NUP62: variants seen among roughly 807,000 people sequenced by gnomAD.
NUP62 encodes the protein nuclear pore glycoprotein p62.
For missense variants in NUP62, 647 were observed against 689.4 expected (o/e 0.94, Z 0.69); for synonymous variants, 305 against 303.4 (o/e 1.01, Z -0.05).
chr19:49,914,912 G>A (rs2075586062), intron 2 of NUP62, among the ~76,000 whole-genome samples: 1 of 151,416 alleles, frequency 6.6e-6, no homozygotes, highest in East Asian at 1.9e-4. Context: ...GCTAATTTTT[G>A]TATTTTTAGT....
chr19:49,908,685 G>A lies in NUP62; in HGVS notation c.1123C>T (p.Leu375=), dbSNP rs758216173. ...TTCACCTTCTCCACCTCGCGGTGCA[G>A]GCTGGTGATCTTTTCTCCATTCTCG... ...LIENGEKITS[L]HREVEKVKLD... The change falls in exon 3 of 3, where the codon CTG becomes TTG. Residue 375 remains leucine (L), a synonymous_variant. Transcript: ENST00000352066. 3 of 1,612,148 alleles carry A rather than the reference G, an allele frequency of 1.9e-6. No homozygotes were observed. The South Asian group carries it at 3.3e-5, about 18-fold the overall frequency.
At chr19:49,913,770 G>A (rs750829182) in intron 2 of NUP62, among the ~76,000 whole-genome samples, 25 of 152,198 alleles carry the variant, frequency 1.6e-4, no homozygotes, top group Admixed American at 3.9e-4. Context: ...TCACTGAGCC[G>A]CAGGGTGGTC....
chr19:49,914,726 G>GTTTTGT (rs2075575701), intron 2 of NUP62, among the ~76,000 whole-genome samples: 5 of 56,404 alleles, frequency 8.9e-5, no homozygotes, highest in Non-Finnish European at 6.4e-5. Flanking sequence ...CCAAGTCCCA[G>GTTTTGT]TTTTTTTTTT....
In NUP62 at chr19:49,909,876, G is replaced by A; in HGVS notation, c.-69C>T. On this transcript the variant is annotated 5_prime_UTR_variant, in exon 3 of 3. Coordinates refer to ENST00000352066, the MANE Select transcript of NUP62 (RefSeq NM_016553.5). The stretch of plus-strand genomic sequence containing the variant: ...AAATCCGTCGGTGTCTGCAGCCTTG[G>A]GAAGATTTCTAAAGCAGAGGAAGTG... The A allele has an allele frequency of 2.0e-6, 3 of 1,534,182 alleles. No homozygotes were observed. The highest frequency in any genetic ancestry group is 2.7e-6 in the Non-Finnish European group (3 of 1,113,814).
rs369727155 is a variant in NUP62, at chr19:49,908,608, C to T, written c.1200G>A (p.Gln400=). Residue 400 remains glutamine (Q), a synonymous_variant, in exon 3 of 3, where the codon CAG becomes CAA. Transcript: ENST00000352066. ...GGCTCAGCAGGTCTTCCAGCTCCTT[C>T]TGCTGGGACAGGATGAAGTCGAGCT... is the stretch of plus-strand genomic sequence containing the variant. ...DQELDFILSQ[Q]KELEDLLSPL... 1.2e-6 allele frequency: 2 copies of T among 1,613,974 alleles called. No homozygotes were observed. Among genetic ancestry groups the T allele is most frequent in the Non-Finnish European group, 1.7e-6 (2 of 1,180,042 alleles).
intron 2 of NUP62, among the ~76,000 whole-genome samples, chr19:49,912,743 G>GT (rs1323595798): frequency 4.1e-5 from 6 of 147,126 alleles, no homozygotes; most frequent in Non-Finnish European, 8.9e-5. Flanking sequence ...GCAGGCGCCT[G>GT]TAGTCGCAGC....
intron 2 of NUP62, among the ~76,000 whole-genome samples, chr19:49,919,061 G>A (rs964982761): frequency 5.3e-5 from 8 of 152,184 alleles, no homozygotes; most frequent in Non-Finnish European, 1.0e-4. Context: ...GCTGAGGCAG[G>A]AGAATTGCTT....
In NUP62 at chr19:49,921,867, G is replaced by A. The variant is rs1053251727; in HGVS notation, c.-78+5827C>T. ...AGGAACCACATATCCTGGGCCAGAC[G>A]AATGCAGGAGCTGCCTCCTCTGGAC... is the stretch of plus-strand genomic sequence containing the variant. On this transcript the variant is annotated intron_variant, in intron 2 of 2. Coordinates refer to ENST00000352066, the MANE Select transcript of NUP62 (RefSeq NM_016553.5). This position sits in a 1 kb window ranked among gnomAD's most constrained non-coding sequence, Gnocchi z 5.4. 2.0e-4 allele frequency among the ~76,000 whole-genome samples: 30 copies of A among 152,196 alleles called. No individual in the cohort carries two copies. Among genetic ancestry groups the A allele is most frequent in the African/African-American group, 6.8e-4 (28 of 41,442 alleles).
At position 49,909,354 on chromosome 19, in the gene NUP62, C is replaced by T. The variant is rs757059101; in HGVS notation, c.454G>A (p.Ala152Thr). The T allele has an allele frequency of 6.2e-7, 1 of 1,613,752 alleles. No homozygotes were observed. The highest frequency in any genetic ancestry group is 8.5e-7 in the Non-Finnish European group (1 of 1,179,974). ...FGPSTTSVAP[A>T]TTSGGFSFTG... ...AATGAGAAGCCTCCAGATGTGGTAG[C>T]TGGAGCCACAGAGGTGGTGGAGGGG... Residue 152 changes from alanine (A) to threonine (T), a missense_variant, in exon 3 of 3, where the codon GCT becomes ACT. Transcript: ENST00000352066.
intron 1 of NUP62, chr19:49,928,864 G>A (rs1316613190): frequency 6.6e-6 from 1 of 152,254 alleles, no homozygotes; most frequent in Non-Finnish European, 1.5e-5. Flanking sequence ...AGAGAATGAG[G>A]CTGGATCCTC....
In NUP62 at chr19:49,908,571, A is replaced by G. The variant is rs879939773; in HGVS notation, c.1237T>C (p.Leu413=). ...ATGGTCCCGCTCTGCTCCTTGACCA[A>G]CTCCTCCAGTGGGCTCAGCAGGTCT... ...LEDLLSPLEE[L]VKEQSGTIYL... is the part of the protein sequence containing the mutation. Residue 413 remains leucine, a synonymous_variant, in exon 3 of 3, where the codon TTG becomes CTG. Transcript: ENST00000352066. 6.2e-7 allele frequency: 1 copy of G among 1,613,406 alleles called. No homozygotes were observed.
intron 2 of NUP62, among the ~76,000 whole-genome samples, chr19:49,914,686 CTTACCTCCATCTGTGA>C (rs371177655): frequency 5.9e-4 from 88 of 149,526 alleles, no homozygotes; most frequent in African/African-American, 2.1e-3. Flanking sequence ...GCTCTACTAC[CTTACCTCCATCTGTGA>C]TTCTTGTGCC....
At chr19:49,911,539 T>C (rs1600509404) in intron 2 of NUP62, among the ~76,000 whole-genome samples, 1 of 152,174 alleles carries the variant, frequency 6.6e-6, no homozygotes, top group East Asian at 1.9e-4. Flanking sequence ...AGGCAACCTA[T>C]CTCACTACCC....
Position 49,909,516 on chromosome 19 carries a change from T to C in NUP62, c.292A>G (p.Asn98Asp), listed in dbSNP as rs1568701533. 2 of 1,614,136 alleles carry C rather than the reference T, an allele frequency of 1.2e-6. No homozygotes were observed. The highest frequency in any genetic ancestry group is 1.7e-6 in the Non-Finnish European group (2 of 1,180,004). Residue 98 changes from asparagine (N) to aspartate (D), a missense_variant, in exon 3 of 3, where the codon AAC becomes GAC. Coordinates refer to ENST00000352066, the MANE Select transcript of NUP62 (RefSeq NM_016553.5). ...GGGGTGGCAGCTGTGTTGCTCAAGT[T>C]GAGCTTTGAAGCACCGATCCCCAAA... ...FSLGIGASKL[N>D]LSNTAATPAM...
chr19:49,914,458 G>A (rs2122657472), intron 2 of NUP62, among the ~76,000 whole-genome samples: 1 of 152,298 alleles, frequency 6.6e-6, no homozygotes, highest in South Asian at 2.1e-4. Context: ...AGGTCACCAA[G>A]GAAAGTGCTG....
intron 2 of NUP62, among the ~76,000 whole-genome samples, chr19:49,912,695 C>G (rs1330033284): frequency 1.3e-5 from 2 of 152,102 alleles, no homozygotes; most frequent in African/African-American, 4.8e-5. Flanking sequence ...GAGATGCTGT[C>G]TCTACACAAA....
intron 2 of NUP62, chr19:49,911,237 G>A (rs755090094): frequency 4.6e-5 from 7 of 152,284 alleles, no homozygotes; most frequent in African/African-American, 7.2e-5. Context: ...ACTGACTGGA[G>A]AAGGGAAGAA....
At chr19:49,923,844 T>C (rs1451941950) in intron 2 of NUP62, among the ~76,000 whole-genome samples, 1 of 152,192 alleles carries the variant, frequency 6.6e-6, no homozygotes, top group Non-Finnish European at 1.5e-5. Flanking sequence ...CTAGGGCCCA[T>C]GCTCTGACCC....
At position 49,912,643 on chromosome 19, in the gene NUP62, C is replaced by T. The variant is rs372946630; in HGVS notation, c.-77-2759G>A. On this transcript the variant is annotated intron_variant, in intron 2 of 2. Transcript: ENST00000352066. ...CTTTGGGAGGCTGAGGTGGGGGGATCGCTTGAGCCCAGGAACTCGAGAACA... is the reference window on the plus strand; with the variant it reads ...CTTTGGGAGGCTGAGGTGGGGGGATTGCTTGAGCCCAGGAACTCGAGAACA... Among the ~76,000 whole-genome samples the T allele has an allele frequency of 1.6e-4, 24 of 152,202 alleles. No homozygotes were observed. In the South Asian group the frequency reaches 1.9e-3, roughly 12 times the overall value.
Sources: gnomAD v4.1 joint callset for allele counts (sites outside exome capture counted in the v4.1 genomes callset) on GRCh38, gnomAD v4.1.1 for gene constraint, Gnocchi (gnomAD v3.1) non-coding constraint, MANE v1.5 for transcripts, NCBI Gene and HGNC (gene_info 2026-07-23, HGNC 2026-07-21) for gene names.